CENPQ: variants seen among roughly 807,000 people sequenced by gnomAD.
The protein encoded by CENPQ is chromosome 6 open reading frame 139.
CENPQ carries 27 observed loss-of-function variants against 36.6 expected under a neutral mutation model. The observed-to-expected ratio is 0.74, with a 90% CI of 0.54 to 1.02. CENPQ has a LOEUF of 1.02. CENPQ is among the 50% of genes least tolerant of loss of function. The pLI is 0.00. For missense variants in CENPQ, 306 were observed against 301.8 expected, an observed-to-expected ratio of 1.01 and a Z score of -0.10; for synonymous variants, 101 against 101.7, an observed-to-expected ratio of 0.99 and a Z score of 0.04.
intron 6 of CENPQ, among the ~76,000 whole-genome samples, chr6:49,482,309 C>A (rs1198574115): frequency 1.3e-5 from 2 of 152,194 alleles, no homozygotes; most frequent in African/African-American, 4.8e-5. Flanking sequence ...CAAGTGCCAC[C>A]AAAGTGGGAG....
chr6:49,483,953 A>G (rs1768518473), intron 6 of CENPQ, among the ~76,000 whole-genome samples: 1 of 152,258 alleles, frequency 6.6e-6, no homozygotes, highest in African/African-American at 2.4e-5. Context: ...AAGGGCTGCA[A>G]GGGCTGCCAG....
At chr6:49,470,479 C>T (rs760685094) in intron 2 of CENPQ, among the ~76,000 whole-genome samples, 9 of 151,590 alleles carry the variant, frequency 5.9e-5, no homozygotes, top group African/African-American at 9.7e-5. Flanking sequence ...ATTAGCCAGG[C>T]GTGGTGGTGC....
intron 6 of CENPQ, among the ~76,000 whole-genome samples, chr6:49,482,028 TG>T (rs1319967315): frequency 1.3e-5 from 2 of 152,230 alleles, no homozygotes; most frequent in East Asian, 3.9e-4. Flanking sequence ...CCGGCACTGC[TG>T]GGGGACCCAG....
chr6:49,476,050 T>G (rs746799376), intron 5 of CENPQ, among the ~76,000 whole-genome samples: 1 of 151,934 alleles, frequency 6.6e-6, no homozygotes, highest in African/African-American at 2.4e-5. Context: ...CCAATGACTT[T>G]CTTCACAGAA....
At chr6:49,484,435 G>C (rs1768530221) in intron 6 of CENPQ, among the ~76,000 whole-genome samples, 1 of 152,108 alleles carries the variant, frequency 6.6e-6, no homozygotes, top group Non-Finnish European at 1.5e-5. Flanking sequence ...TTAATGAATG[G>C]ATATCCAAAC....
intron 5 of CENPQ, among the ~76,000 whole-genome samples, chr6:49,477,997 A>T (rs546497280): frequency 1.6e-4 from 24 of 152,206 alleles, no homozygotes; most frequent in Non-Finnish European, 3.1e-4. Flanking sequence ...GGAAAAGATT[A>T]TATTCAACAG....
chr6:49,464,085 A>G (rs910081118), intron 1 of CENPQ, among the ~76,000 whole-genome samples: 3 of 152,108 alleles, frequency 2.0e-5, no homozygotes, highest in African/African-American at 7.2e-5. Context: ...TTGGCTAAAT[A>G]TTTCAAAATG....
chr6:49,472,780 T>C lies in CENPQ; in HGVS notation c.279-10T>C. 2 of 1,425,216 alleles carry C rather than the reference T, an allele frequency of 1.4e-6. No homozygotes were observed. Among genetic ancestry groups the C allele is most frequent in the Non-Finnish European group, 1.9e-6 (2 of 1,062,520 alleles). 88.3% of individuals were successfully genotyped at this position (1,425,216 alleles called of 1,614,324 possible). A position where few individuals can be genotyped will look rare whatever the true frequency, so the allele number is the denominator to read the frequency against. On this transcript the variant is annotated splice_polypyrimidine_tract_variant and intron_variant, in intron 4 of 8. Transcript: ENST00000335783. The stretch of plus-strand genomic sequence containing the variant: ...GACTACTATTTATTCCATCTTTTTT[T>C]CTTTTCTAGGACAATTTTGAGTAAC...
At chr6:49,481,121 G>A (rs2127426449) in intron 6 of CENPQ, 41 bp downstream of exon 6, 2 of 1,519,534 alleles carry the variant, frequency 1.3e-6, no homozygotes, top group Middle Eastern at 3.5e-4. Flanking sequence ...AGAGAGTTAG[G>A]GAAAGGGAAG....
At position 49,488,587 on chromosome 6, in the gene CENPQ, G is replaced by A. The variant is rs779541033; in HGVS notation, c.598-20G>A. ...AGAAATCAGCTTTTTGAAATAATCT[G>A]TAGCTTTCTTCTACTTTAGATGCAT... is the stretch of plus-strand genomic sequence containing the variant. On this transcript the variant is annotated intron_variant, in intron 7 of 8. Coordinates refer to ENST00000335783, the MANE Select transcript of CENPQ (RefSeq NM_018132.4). 4 of 1,606,916 alleles carry A rather than the reference G, an allele frequency of 2.5e-6. No individual in the cohort carries two copies. The highest frequency in any genetic ancestry group is 2.2e-5 in the East Asian group (1 of 44,814).
chr6:49,489,900 C>T (rs1464232327), intron 8 of CENPQ, among the ~76,000 whole-genome samples: 1 of 152,192 alleles, frequency 6.6e-6, no homozygotes, highest in Non-Finnish European at 1.5e-5. Flanking sequence ...ATGCTCTAAA[C>T]AGTTGTACTG....
rs770900462 is a variant in CENPQ at position 49,492,198 on chromosome 6, A to G, written c.730A>G (p.Ile244Val). The G allele has an allele frequency of 1.9e-4, 310 of 1,608,552 alleles. No individual in the cohort carries two copies. The highest frequency in any genetic ancestry group is 2.5e-4 in the Non-Finnish European group (296 of 1,178,378). Residue 244 changes from isoleucine (I) to valine (V), a missense_variant, in exon 9 of 9, where the codon ATT becomes GTT. By Grantham distance (29) the Ile-to-Val change is conservative. Transcript: ENST00000335783. ...NQNALLKDLD[I>V]LHNSSQMKSM... ...GAATGCTCTTCTAAAGGACTTGGATATTCTTCATAATTCATCACAGATGAA... is the reference window on the plus strand; with the variant it reads ...GAATGCTCTTCTAAAGGACTTGGATGTTCTTCATAATTCATCACAGATGAA...
Position 49,492,152 on chromosome 6 carries a change from T to A in CENPQ, c.684T>A (p.Ile228=). The A allele has an allele frequency of 6.3e-7, 1 of 1,596,696 alleles. No individual in the cohort carries two copies. The highest frequency in any genetic ancestry group is 8.5e-7 in the Non-Finnish European group (1 of 1,175,310). Residue 228 remains isoleucine (I), a synonymous_variant, in exon 9 of 9, where the codon ATT becomes ATA. Coordinates refer to ENST00000335783, the MANE Select transcript of CENPQ (RefSeq NM_018132.4). The part of the protein sequence containing the change: ...TLKAPTLQKE[I]LALIPNQNAL... Reference sequence around the variant, plus strand: ...TACTATCTTTCCCACAGAAAGAAATTTTGGCGCTAATTCCAAACCAGAATG... The same window carrying A: ...TACTATCTTTCCCACAGAAAGAAATATTGGCGCTAATTCCAAACCAGAATG...
chr6:49,480,902 A>G (rs752763548), intron 5 of CENPQ, 49 bp from the exon 6 acceptor site: 1 of 1,350,518 alleles, frequency 7.4e-7, no homozygotes, highest in Non-Finnish European at 1.0e-6. Context: ...TTAAAATAAT[A>G]ATAGTACTCA....
At chr6:49,491,083 T>A (rs1027285580) in intron 8 of CENPQ, among the ~76,000 whole-genome samples, 1 of 152,222 alleles carries the variant, frequency 6.6e-6, no homozygotes, top group Non-Finnish European at 1.5e-5. Context: ...AACCTTCAGT[T>A]TGTAAAAAAT....
intron 5 of CENPQ, among the ~76,000 whole-genome samples, chr6:49,476,404 C>A (rs1201441063): frequency 6.6e-6 from 1 of 152,110 alleles, no homozygotes; most frequent in Admixed American, 6.5e-5. Flanking sequence ...CTTCCTTATA[C>A]CTTATACAAA....
chr6:49,483,505 G>A (rs1221987949), intron 6 of CENPQ, among the ~76,000 whole-genome samples: 1 of 152,150 alleles, frequency 6.6e-6, no homozygotes, highest in Non-Finnish European at 1.5e-5. Flanking sequence ...TGCTGCACAG[G>A]AACCCTCTGA....
intron 1 of CENPQ, among the ~76,000 whole-genome samples, chr6:49,467,192 T>C (rs907948121): frequency 6.6e-6 from 1 of 152,256 alleles, no homozygotes; most frequent in Non-Finnish European, 1.5e-5. Flanking sequence ...TTAACAGTAC[T>C]TCTCAAACTC....
rs765300057 is a variant in CENPQ, at chr6:49,488,471, G to A, written c.597G>A (p.Gln199=). Residue 199 remains glutamine, a splice_region_variant and synonymous_variant, in exon 7 of 9, where the codon CAG becomes CAA. Coordinates refer to ENST00000335783, the MANE Select transcript of CENPQ (RefSeq NM_018132.4). ...AAGAAGAAGAGGAGAGAGTAAAACA[G>A]GTAATTATTTTAAACTGTATTATTG... ...EVEEEEERVK[Q]MHQINSSGVL... 6.2e-7 allele frequency: 1 copy of A among 1,610,750 alleles called. No homozygotes were observed. Among genetic ancestry groups the A allele is most frequent in the East Asian group, 2.2e-5 (1 of 44,758 alleles).
Sources: gnomAD v4.1 joint callset for allele counts (sites outside exome capture counted in the v4.1 genomes callset) on GRCh38, gnomAD v4.1.1 for gene constraint, MANE v1.5 for transcripts, NCBI Gene and HGNC (gene_info 2026-07-23, HGNC 2026-07-21) for gene names.